PPP1R9A: variants seen among roughly 807,000 people sequenced by gnomAD.
The protein encoded by PPP1R9A is protein phosphatase 1 regulatory subunit 9A.
PPP1R9A carries 59 observed loss-of-function variants against 141.9 expected under a neutral mutation model. The ratio of observed to expected loss-of-function variants is 0.42; its 90% CI spans 0.34 to 0.52. PPP1R9A has a LOEUF of 0.52. Among genes scored for constraint, PPP1R9A ranks in the 20% least tolerant of loss-of-function variants. The pLI is 0.10. For missense variants in PPP1R9A, 1,444 were observed against 1,611.9 expected (o/e 0.90, Z 1.78); for synonymous variants, 500 against 569.7 (o/e 0.88, Z 1.74).
At chr7:95,156,829 A>G (rs1474286360) in intron 4 of PPP1R9A, 2 of 152,136 alleles carry the variant, frequency 1.3e-5, no homozygotes, top group Non-Finnish European at 2.9e-5. Flanking sequence ...CCTAGAATGG[A>G]TAGCTTCTCT....
chr7:95,181,184 C>CTA (rs1833691160), intron 5 of PPP1R9A, among the ~76,000 whole-genome samples: 1 of 140,834 alleles, frequency 7.1e-6, no homozygotes, highest in African/African-American at 2.6e-5. Flanking sequence ...ATATATCTAT[C>CTA]TATATATATA....
At chr7:94,983,849 C>T (rs1001404329) in intron 2 of PPP1R9A, among the ~76,000 whole-genome samples, 2 of 152,126 alleles carry the variant, frequency 1.3e-5, no homozygotes, top group Admixed American at 6.6e-5. Flanking sequence ...TTTCCCTGGC[C>T]AGAACTTCCA....
In PPP1R9A at chr7:95,226,098, C is replaced by T; in HGVS notation, c.2094C>T (p.Leu698=). ...FSPSELDTSK[L]SHKFKELQIK... ...CATCAGAACTGGACACAAGCAAGCT[C>T]AGTCACAAGTTCAAAGAGGTATGCC... The change falls in exon 8 of 20, where the codon CTC becomes CTT. Residue 698 remains leucine, a synonymous_variant. Transcript: ENST00000433360. 1.2e-6 allele frequency: 2 copies of T among 1,612,954 alleles called. No individual in the cohort carries two copies. The highest frequency in any genetic ancestry group is 8.5e-7 in the Non-Finnish European group (1 of 1,179,180).
intron 2 of PPP1R9A, among the ~76,000 whole-genome samples, chr7:95,071,402 A>G (rs1813793230): frequency 6.6e-6 from 1 of 151,976 alleles, no homozygotes; most frequent in Admixed American, 6.6e-5. Context: ...TTCCTTGCAA[A>G]GGTATAATAG....
At chr7:95,281,499 C>T (rs940522842) in intron 16 of PPP1R9A, among the ~76,000 whole-genome samples, 1 of 152,190 alleles carries the variant, frequency 6.6e-6, no homozygotes, top group African/African-American at 2.4e-5. Flanking sequence ...CTCCTCAGTG[C>T]TGGATGCACA....
intron 16 of PPP1R9A, among the ~76,000 whole-genome samples, chr7:95,280,989 A>G (rs1804113551): frequency 6.6e-6 from 1 of 152,228 alleles, no homozygotes; most frequent in Non-Finnish European, 1.5e-5. Context: ...CCAAGAGTTC[A>G]ATTTATTCAG....
chr7:94,910,885 T>A lies in PPP1R9A; in HGVS notation c.772T>A (p.Trp258Arg), dbSNP rs1481884373. The stretch of plus-strand genomic sequence containing the variant: ...TGGTCACCTGAAGGATTCTAATTCC[T>A]GGCCTCCTTCAAACAAGCGAGGTGT... ...TFGHLKDSNS[W>R]PPSNKRGVDT... The change falls in exon 2 of 20, where the codon TGG (tryptophan) becomes AGG (arginine). Residue 258 changes from tryptophan to arginine, a missense_variant. By Grantham distance (101) the Trp-to-Arg change is moderately radical. This residue lies in a region of PPP1R9A where 490 missense variants were observed against 521.1 expected (regional missense o/e 0.94). Transcript: ENST00000433360. The surrounding 1 kb of genome is among the most constrained non-coding windows in gnomAD (Gnocchi z 4.5). 5 of 1,613,916 alleles carry A rather than the reference T, an allele frequency of 3.1e-6. No individual in the cohort carries two copies. The African/African-American group carries it at 5.3e-5, about 17-fold the overall frequency.
chr7:95,048,061 A>G (rs752192917), intron 2 of PPP1R9A, among the ~76,000 whole-genome samples: 5 of 152,204 alleles, frequency 3.3e-5, no homozygotes, highest in African/African-American at 1.2e-4. Context: ...ACTTCATTAT[A>G]TTTTTAATTA....
At chr7:94,948,319 C>T (rs910736044) in intron 2 of PPP1R9A, among the ~76,000 whole-genome samples, 6 of 152,026 alleles carry the variant, frequency 3.9e-5, no homozygotes, top group Admixed American at 2.6e-4. Context: ...AAACTCTAAC[C>T]ACTTTTACTT....
At chr7:94,968,438 C>T (rs372235876) in intron 2 of PPP1R9A, among the ~76,000 whole-genome samples, 1 of 151,394 alleles carries the variant, frequency 6.6e-6, no homozygotes, top group South Asian at 2.1e-4. Flanking sequence ...TCCCAAAGTG[C>T]TGGGATTACA....
chr7:95,264,434 G>A (rs775963173), intron 12 of PPP1R9A, among the ~76,000 whole-genome samples: 3 of 152,058 alleles, frequency 2.0e-5, no homozygotes, highest in African/African-American at 4.8e-5. Flanking sequence ...CAAAAATAAC[G>A]TCAATCTAGT....
In PPP1R9A at chr7:95,288,440, T is replaced by C. The variant is rs1001324218; in HGVS notation, c.3730-96T>C. ...TATCATATTTTGGTTTAAACATAAA[T>C]GTGGCTCTCATAGGTTAAGAAATTC... is the stretch of plus-strand genomic sequence containing the variant. On this transcript the variant is annotated intron_variant, in intron 18 of 19. Coordinates refer to ENST00000433360, the MANE Select transcript of PPP1R9A (RefSeq NM_001166160.2). The C allele has an allele frequency of 6.0e-6, 9 of 1,488,130 alleles. No individual in the cohort carries two copies. The African/African-American group carries it at 1.1e-4, about 18-fold the overall frequency. The allele number at this position is 1,488,130 out of a possible 1,614,324, so 92.2% of individuals were successfully genotyped here. A position where few individuals can be genotyped will look rare whatever the true frequency, so the allele number is the denominator to read the frequency against.
At position 95,234,730 on chromosome 7, in the gene PPP1R9A, A is replaced by G. The variant is rs187014959; in HGVS notation, c.2112+8614A>G. On this transcript the variant is annotated intron_variant, in intron 8 of 19. Coordinates refer to ENST00000433360, the MANE Select transcript of PPP1R9A (RefSeq NM_001166160.2). The stretch of plus-strand genomic sequence containing the variant: ...CACATAGCCAAAGGAAGGCTAAGCA[A>G]GAAGAACAAATTTGGAGGCATCACA... Among the ~76,000 whole-genome samples the G allele has an allele frequency of 1.9e-4, 29 of 151,440 alleles. No individual in the cohort carries two copies. In the East Asian group the frequency reaches 5.2e-3, roughly 27 times the overall value.
chr7:94,976,965 A>G (rs1202751659), intron 2 of PPP1R9A, among the ~76,000 whole-genome samples: 1 of 152,086 alleles, frequency 6.6e-6, no homozygotes, highest in East Asian at 1.9e-4. Context: ...GTTGCGATAT[A>G]TTGGGAAGGT....
intron 2 of PPP1R9A, among the ~76,000 whole-genome samples, chr7:95,072,393 AGAG>A (rs1282391382): frequency 2.8e-5 from 4 of 144,002 alleles, no homozygotes; most frequent in Admixed American, 2.2e-4. Context: ...AAGGGGAAAA[AGAG>A]GAGACAGGGA....
intron 2 of PPP1R9A, among the ~76,000 whole-genome samples, chr7:94,948,494 A>C (rs2151007422): frequency 1.3e-5 from 2 of 152,056 alleles, no homozygotes; most frequent in South Asian, 4.1e-4. Context: ...AGTCATTGGG[A>C]GGGGGCAGAG....
Position 95,238,884 on chromosome 7 carries a change from C to T in PPP1R9A, c.2113-8589C>T, listed in dbSNP as rs188390762. ...TGCCTTTGGCCACATCTCGTTTCAA[C>T]GTGCATTCTTCTCATTTTCATCACT... On this transcript the variant is annotated intron_variant, in intron 8 of 19. Transcript: ENST00000433360. 2.6e-3 allele frequency among the ~76,000 whole-genome samples: 396 copies of T among 152,202 alleles called. 3 individuals are homozygous for T. Among genetic ancestry groups the T allele is most frequent in the African/African-American group, 9.1e-3 (376 of 41,544 alleles).
chr7:95,124,463 T>C (rs1467039116), intron 4 of PPP1R9A, among the ~76,000 whole-genome samples: 2 of 152,150 alleles, frequency 1.3e-5, no homozygotes. Context: ...CTCTAGTGTA[T>C]GGGTTTTTTA....
At chr7:94,989,909 G>A (rs1801297270) in intron 2 of PPP1R9A, among the ~76,000 whole-genome samples, 1 of 152,064 alleles carries the variant, frequency 6.6e-6, no homozygotes, top group African/African-American at 2.4e-5. Context: ...TAATAAAGTA[G>A]TTGTGAAGTT....
Sources: allele counts gnomAD v4.1 joint callset (sites outside exome capture counted in the v4.1 genomes callset), GRCh38; gene constraint gnomAD v4.1.1; regional missense constraint gnomAD v4.1.1; non-coding constraint Gnocchi (gnomAD v3.1); transcripts MANE v1.5; gene names NCBI Gene and HGNC (gene_info 2026-07-23, HGNC 2026-07-21).